Variants in MARCHF7 observed in about 807,000 individuals in gnomAD.
MARCHF7 encodes E3 ubiquitin-protein ligase MARCHF7.
Under a neutral mutation model 76.5 loss-of-function variants are expected in MARCHF7, and 20 were observed. That is an observed-to-expected ratio of 0.26 (90% CI 0.18 to 0.38). The LOEUF (loss-of-function observed/expected upper bound fraction) is 0.38. MARCHF7 is among the 10% of genes least tolerant of loss of function. The pLI, the probability that MARCHF7 is intolerant of heterozygous loss-of-function variation, is 1.00. For synonymous variants in MARCHF7, 295 were observed against 293.0 expected (o/e 1.01, Z -0.07); for missense variants, 797 against 812.9 (o/e 0.98, Z 0.24).
intron 8 of MARCHF7, among the ~76,000 whole-genome samples, chr2:159,758,964 A>C (rs1706667885): frequency 6.6e-6 from 1 of 152,186 alleles, no homozygotes; most frequent in South Asian, 2.1e-4. Context: ...AGGATGTATG[A>C]GTATCTGGGA....
chr2:159,730,106 T>C (rs1478831158), intron 4 of MARCHF7, among the ~76,000 whole-genome samples: 1 of 152,230 alleles, frequency 6.6e-6, no homozygotes, highest in Non-Finnish European at 1.5e-5. Flanking sequence ...TTTTGCTATG[T>C]TGCCCAGACT....
chr2:159,738,005 C>T (rs913068404), intron 4 of MARCHF7, among the ~76,000 whole-genome samples: 19 of 152,162 alleles, frequency 1.2e-4, no homozygotes, highest in African/African-American at 3.9e-4. Flanking sequence ...AGGCTTTGTT[C>T]GACTCGTGCT....
chr2:159,734,831 A>G, intron 4 of MARCHF7, among the ~76,000 whole-genome samples: 1 of 151,446 alleles, frequency 6.6e-6, no homozygotes. Context: ...AAAAAAAAAA[A>G]AAAAAGCCAG....
intron 1 of MARCHF7, among the ~76,000 whole-genome samples, chr2:159,713,440 T>C (rs1700538284): frequency 6.6e-6 from 1 of 152,232 alleles, no homozygotes; most frequent in South Asian, 2.1e-4. Context: ...TAATGTTGTT[T>C]GTTACTATTA....
intron 3 of MARCHF7, among the ~76,000 whole-genome samples, chr2:159,717,345 A>G (rs562014167): frequency 4.7e-4 from 71 of 152,336 alleles, no homozygotes; most frequent in African/African-American, 1.5e-3. Flanking sequence ...TTAGACCACT[A>G]TAAGAATAGA....
At chr2:159,751,897 G>A (rs999892276) in intron 7 of MARCHF7, among the ~76,000 whole-genome samples, 1 of 152,038 alleles carries the variant, frequency 6.6e-6, no homozygotes, top group African/African-American at 2.4e-5. Context: ...CATGGTTCTG[G>A]TAACATGTAA....
At chr2:159,743,748 AAAG>A (rs763098515) in intron 5 of MARCHF7, among the ~76,000 whole-genome samples, 1 of 150,470 alleles carries the variant, frequency 6.6e-6, no homozygotes, top group African/African-American at 2.4e-5. Context: ...AAAAAAAAAA[AAAG>A]AGAGAATTAG....
chr2:159,726,505 G>A (rs550008765), intron 3 of MARCHF7, among the ~76,000 whole-genome samples: 2 of 150,488 alleles, frequency 1.3e-5, no homozygotes, highest in African/African-American at 2.5e-5. Context: ...CTTGTGATCC[G>A]CCTGCCTCAG....
intron 8 of MARCHF7, among the ~76,000 whole-genome samples, chr2:159,755,413 A>G (rs777047422): frequency 7.6e-4 from 115 of 152,254 alleles, no homozygotes; most frequent in Admixed American, 1.8e-3. Flanking sequence ...AAAGAAGGGT[A>G]GAGAGCCAGG....
intron 7 of MARCHF7, among the ~76,000 whole-genome samples, chr2:159,749,630 G>T (rs369555135): frequency 1.8e-4 from 28 of 152,220 alleles, no homozygotes; most frequent in African/African-American, 5.1e-4. Flanking sequence ...TTACAGGCAT[G>T]AGTCACTACT....
At chr2:159,757,407 A>C (rs1193114742) in intron 8 of MARCHF7, among the ~76,000 whole-genome samples, 1 of 152,236 alleles carries the variant, frequency 6.6e-6, no homozygotes, top group Non-Finnish European at 1.5e-5. Flanking sequence ...TAAAGTCTAC[A>C]GGATATACAA....
intron 5 of MARCHF7, among the ~76,000 whole-genome samples, chr2:159,745,148 G>T (rs896664795): frequency 6.6e-6 from 1 of 152,070 alleles, no homozygotes; most frequent in Non-Finnish European, 1.5e-5. Context: ...TTACATTTTT[G>T]TTCTGTAATC....
At chr2:159,737,359 A>T (rs1703582766) in intron 4 of MARCHF7, among the ~76,000 whole-genome samples, 1 of 152,222 alleles carries the variant, frequency 6.6e-6, no homozygotes. Flanking sequence ...AAATGGGCAA[A>T]GGACTTTAAT....
At chr2:159,724,278 C>T (rs534434130) in intron 3 of MARCHF7, among the ~76,000 whole-genome samples, 1 of 152,164 alleles carries the variant, frequency 6.6e-6, no homozygotes, top group East Asian at 1.9e-4. Context: ...CCATTTTTTC[C>T]ACTCTAGTAA....
At chr2:159,713,608 A>G (rs1700581166) in intron 1 of MARCHF7, among the ~76,000 whole-genome samples, 1 of 152,228 alleles carries the variant, frequency 6.6e-6, no homozygotes, top group South Asian at 2.1e-4. Flanking sequence ...AAAATCCAAT[A>G]GTATACAGTT....
intron 4 of MARCHF7, among the ~76,000 whole-genome samples, chr2:159,730,749 T>A (rs1251838825): frequency 6.6e-6 from 1 of 152,182 alleles, no homozygotes; most frequent in African/African-American, 2.4e-5. Context: ...GTCTACTCAT[T>A]TTTGTCTAAT....
intron 8 of MARCHF7, among the ~76,000 whole-genome samples, chr2:159,756,998 T>G (rs1200242430): frequency 2.0e-5 from 3 of 152,176 alleles, no homozygotes; most frequent in African/African-American, 7.2e-5. Flanking sequence ...GTTCTAGTGA[T>G]TCTCCTGCCT....
In MARCHF7 at chr2:159,748,440, C is replaced by A. The variant is rs1455864685; in HGVS notation, c.1150C>A (p.Pro384Thr). The A allele has an allele frequency of 6.2e-7, 1 of 1,613,960 alleles. No individual in the cohort carries two copies. The highest frequency in any genetic ancestry group is 8.5e-7 in the Non-Finnish European group (1 of 1,180,022). The change falls in exon 7 of 12, where the codon CCA (proline) becomes ACA (threonine). Residue 384 changes from proline to threonine, a missense_variant. Around this residue, in one of 3 missense-constraint regions of MARCHF7, gnomAD observed 643 missense variants for 631.5 expected, o/e 1.02. Coordinates refer to ENST00000409175, the MANE Select transcript of MARCHF7 (RefSeq NM_001282805.2). Reference protein sequence around the residue: ...NQESEGRNTGPWLSSSLRNRC... With the variant: ...NQESEGRNTGTWLSSSLRNRC... ...AGAATCTGAAGGTAGAAATACAGGA[C>A]CATGGTTATCTTCCTCACTTAGAAA...
intron 4 of MARCHF7, among the ~76,000 whole-genome samples, chr2:159,732,264 A>G (rs2125433527): frequency 6.6e-6 from 1 of 152,344 alleles, no homozygotes; most frequent in East Asian, 1.9e-4. Flanking sequence ...TTCAAAAATT[A>G]CTTGCAAACA....
Sources: allele counts gnomAD v4.1 joint callset (sites outside exome capture counted in the v4.1 genomes callset), GRCh38; gene constraint gnomAD v4.1.1; regional missense constraint gnomAD v4.1.1; transcripts MANE v1.5; gene names NCBI Gene and HGNC (gene_info 2026-07-23, HGNC 2026-07-21).